The following VPS13B variants were observed in gnomAD, a reference collection of about 807,000 sequenced individuals.
VPS13B encodes intermembrane lipid transfer protein VPS13B.
VPS13B carries 285 observed loss-of-function variants against 426.4 expected under a neutral mutation model. The ratio of observed to expected loss-of-function variants is 0.67; its 90% CI spans 0.61 to 0.74. The LOEUF (loss-of-function observed/expected upper bound fraction) is 0.74, where lower values mean the gene tolerates loss of function less well. Ranked by LOEUF, VPS13B falls within the 30% of genes least tolerant of loss-of-function variation. The probability of loss-of-function intolerance (pLI) is 0.00; values close to 1 mark genes in which losing one functional copy is unlikely to be tolerated. For missense variants in VPS13B, 4,537 were observed against 4,782.6 expected, an observed-to-expected ratio of 0.95 and a Z score of 1.51; for synonymous variants, 1,676 against 1,676.4, an observed-to-expected ratio of 1.00 and a Z score of 0.01.
At chr8:99,253,780 T>G (rs1350729523) in intron 17 of VPS13B, among the ~76,000 whole-genome samples, 1 of 152,196 alleles carries the variant, frequency 6.6e-6, no homozygotes, top group Non-Finnish European at 1.5e-5. Context: ...TTTTTGCTGT[T>G]TGCTATCTCT....
At chr8:99,128,151 G>C (rs905955732) in intron 8 of VPS13B, among the ~76,000 whole-genome samples, 1 of 151,984 alleles carries the variant, frequency 6.6e-6, no homozygotes, top group Non-Finnish European at 1.5e-5. Flanking sequence ...AGCACTTTGG[G>C]AGGCTGAGGT....
At chr8:99,145,435 C>A (rs571298664) in intron 13 of VPS13B, among the ~76,000 whole-genome samples, 27 of 152,288 alleles carry the variant, frequency 1.8e-4, no homozygotes, top group African/African-American at 5.8e-4. Flanking sequence ...TGCTCTCTTA[C>A]AACCACACCC....
At chr8:99,455,122 A>G (rs916400064) in intron 23 of VPS13B, among the ~76,000 whole-genome samples, 1 of 152,142 alleles carries the variant, frequency 6.6e-6, no homozygotes, top group African/African-American at 2.4e-5. Flanking sequence ...AGTCCAGCTT[A>G]TCAGTTCTTT....
chr8:99,805,375 T>C (rs1813348153), intron 43 of VPS13B, among the ~76,000 whole-genome samples: 2 of 152,174 alleles, frequency 1.3e-5, no homozygotes, highest in Admixed American at 1.3e-4. Flanking sequence ...TTGGTACCTT[T>C]ATCATTTATG....
intron 3 of VPS13B, among the ~76,000 whole-genome samples, chr8:99,044,776 T>C (rs924359892): frequency 2.0e-5 from 3 of 151,926 alleles, no homozygotes; most frequent in African/African-American, 7.3e-5. Context: ...CTTAGAATGA[T>C]AGTCTCCAAT....
chr8:99,286,506 T>C (rs1320907089), intron 19 of VPS13B, among the ~76,000 whole-genome samples: 1 of 152,186 alleles, frequency 6.6e-6, no homozygotes, highest in Admixed American at 6.6e-5. Flanking sequence ...ACAAACTGGC[T>C]TTTCCCTTAA....
intron 44 of VPS13B, among the ~76,000 whole-genome samples, chr8:99,817,330 A>T (rs183567621): frequency 1.3e-5 from 2 of 152,004 alleles, no homozygotes; most frequent in African/African-American, 2.4e-5. Context: ...GGACTCCTAC[A>T]TGTCTGTCCT....
At chr8:99,697,538 G>T in intron 35 of VPS13B, 1 of 724,814 alleles carries the variant, frequency 1.4e-6, no homozygotes, top group Non-Finnish European at 2.5e-6. Context: ...GCTGCTGAAG[G>T]AGGACGTGCA....
Position 99,040,991 on chromosome 8 carries a change from T to G in VPS13B, c.291+2425T>G, listed in dbSNP as rs147862477. ...GCACTGAAAAGCATTGCTAAAATAT[T>G]TATATAATCTCAGCAAAAGACACTT... On this transcript the variant is annotated intron_variant, in intron 3 of 61. Transcript: ENST00000357162. Among the ~76,000 whole-genome samples, 29 of 152,256 alleles carry G rather than the reference T, an allele frequency of 1.9e-4. 1 individual carries two copies. Among genetic ancestry groups the G allele is most frequent in the East Asian group, 1.5e-3 (8 of 5,184 alleles).
chr8:99,365,815 C>T (rs1004991188), intron 19 of VPS13B, among the ~76,000 whole-genome samples: 3 of 151,906 alleles, frequency 2.0e-5, no homozygotes, highest in Non-Finnish European at 2.9e-5. Context: ...ATGCCCAGCC[C>T]TCCAATTTTC....
At chr8:99,105,895 G>A (rs1473797263) in intron 5 of VPS13B, among the ~76,000 whole-genome samples, 2 of 152,066 alleles carry the variant, frequency 1.3e-5, no homozygotes. Flanking sequence ...ACTTGCCAGT[G>A]TACTCTTCAG....
intron 17 of VPS13B, among the ~76,000 whole-genome samples, chr8:99,196,020 T>C (rs1208013909): frequency 1.3e-5 from 2 of 152,196 alleles, no homozygotes; most frequent in Non-Finnish European, 2.9e-5. Context: ...TTGTTTAATA[T>C]TGCTTTTGTT....
chr8:99,682,277 C>T (rs1831185567), intron 35 of VPS13B, among the ~76,000 whole-genome samples: 1 of 152,112 alleles, frequency 6.6e-6, no homozygotes, highest in South Asian at 2.1e-4. Flanking sequence ...CCAACCTAAC[C>T]AACATGGCAA....
intron 43 of VPS13B, among the ~76,000 whole-genome samples, chr8:99,784,779 T>G (rs1311375080): frequency 6.6e-6 from 1 of 152,156 alleles, no homozygotes; most frequent in East Asian, 1.9e-4. Context: ...CTTTCTGTTC[T>G]TCAGTTTTCT....
chr8:99,352,823 T>TA (rs1811964697), intron 19 of VPS13B, among the ~76,000 whole-genome samples: 1 of 150,010 alleles, frequency 6.7e-6, no homozygotes. Context: ...GAACTCCATC[T>TA]CAAAAAAAAA....
intron 21 of VPS13B, among the ~76,000 whole-genome samples, chr8:99,427,576 C>A (rs1816797110): frequency 1.3e-5 from 2 of 152,038 alleles, no homozygotes; most frequent in Non-Finnish European, 1.5e-5. Flanking sequence ...ATCCAACTTA[C>A]AAGGGACGTG....
At chr8:99,123,629 A>G (rs1437188603) in intron 8 of VPS13B, among the ~76,000 whole-genome samples, 1 of 152,162 alleles carries the variant, frequency 6.6e-6, no homozygotes, top group African/African-American at 2.4e-5. Context: ...TTTTCAAGCA[A>G]GAGATGGTAA....
At chr8:99,168,231 T>C (rs1812123612) in intron 15 of VPS13B, among the ~76,000 whole-genome samples, 1 of 152,126 alleles carries the variant, frequency 6.6e-6, no homozygotes, top group Non-Finnish European at 1.5e-5. Flanking sequence ...GAAGCATCTC[T>C]AGGCAACACA....
At chr8:99,653,553 G>A (rs1829907217) in intron 34 of VPS13B, among the ~76,000 whole-genome samples, 1 of 149,648 alleles carries the variant, frequency 6.7e-6, no homozygotes, top group Non-Finnish European at 1.5e-5. Flanking sequence ...AATTTAATAT[G>A]AAACAACCAA....
Sources: allele counts gnomAD v4.1 joint callset (sites outside exome capture counted in the v4.1 genomes callset), GRCh38; gene constraint gnomAD v4.1.1; transcripts MANE v1.5; gene names NCBI Gene and HGNC (gene_info 2026-07-23, HGNC 2026-07-21).